Variants in LCA5 observed in about 807,000 individuals in gnomAD.
The protein encoded by LCA5 is lebercilin LCA5.
Under a neutral mutation model 53.0 loss-of-function variants are expected in LCA5, and 37 were observed. That is an observed-to-expected ratio of 0.70 (90% CI 0.54 to 0.92). The LOEUF (loss-of-function observed/expected upper bound fraction) is 0.92. Ranked by LOEUF, LCA5 falls within the 40% of genes least tolerant of loss-of-function variation. The pLI, the probability that LCA5 is intolerant of heterozygous loss-of-function variation, is 0.00. For synonymous variants in LCA5, 303 were observed against 282.9 expected (o/e 1.07, Z -0.71); for missense variants, 806 against 790.5 (o/e 1.02, Z -0.23).
chr6:79,524,368 G>C (rs575658659), intron 1 of LCA5, among the ~76,000 whole-genome samples: 31 of 152,278 alleles, frequency 2.0e-4, no homozygotes, highest in African/African-American at 7.0e-4. Context: ...AATGTTCTAA[G>C]TCCTTGCATG....
In LCA5 at chr6:79,513,744, A is replaced by T. The variant is rs886061790; in HGVS notation, c.191-3T>A. ...CTTAGGGCTTGGTTTCCGAGGGGCT[A>T]AAAAAGAAACAGGAATAATGTAAAG... is the stretch of plus-strand genomic sequence containing the variant. On this transcript the variant is annotated splice_polypyrimidine_tract_variant and splice_region_variant and intron_variant, in intron 2 of 7. Coordinates refer to ENST00000369846, the MANE Select transcript of LCA5 (RefSeq NM_001122769.3). 5.6e-6 allele frequency: 9 copies of T among 1,612,554 alleles called. No individual in the cohort carries two copies. Among genetic ancestry groups the T allele is most frequent in the Admixed American group, 5.0e-5 (3 of 59,960 alleles).
chr6:79,513,784 A>C (rs1482066211), intron 2 of LCA5, 43 bp from the exon 3 acceptor site: 1 of 1,581,276 alleles, frequency 6.3e-7, no homozygotes. Flanking sequence ...AGCTGTACCA[A>C]ACACAGTGTT....
chr6:79,499,854 A>T (rs1463172211), intron 3 of LCA5, among the ~76,000 whole-genome samples: 2 of 92,752 alleles, frequency 2.2e-5, no homozygotes, highest in East Asian at 5.9e-4. Flanking sequence ...CACTCCCCCC[A>T]CCCCACAACA....
intron 3 of LCA5, 83 bp from the exon 4 acceptor site, chr6:79,493,833 T>C (rs536359485): frequency 1.2e-5 from 13 of 1,059,520 alleles, no homozygotes; most frequent in Non-Finnish European, 1.8e-5. Context: ...CAAAATGATG[T>C]TTTTAGTGGT....
At chr6:79,524,023 TTC>T (rs1766709015) in intron 1 of LCA5, among the ~76,000 whole-genome samples, 1 of 152,220 alleles carries the variant, frequency 6.6e-6, no homozygotes, top group East Asian at 1.9e-4. Flanking sequence ...TGCATGGTTT[TTC>T]TCTTAGAATT....
At chr6:79,491,184 T>C (rs1769827856) in intron 6 of LCA5, among the ~76,000 whole-genome samples, 1 of 152,064 alleles carries the variant, frequency 6.6e-6, no homozygotes. Flanking sequence ...AGGCAAATTC[T>C]TCTCTTCTGC....
upstream of LCA5, among the ~76,000 whole-genome samples, chr6:79,537,958 T>A (rs917102910): frequency 6.7e-6 from 1 of 148,840 alleles, no homozygotes; most frequent in Admixed American, 6.8e-5. Context: ...GGCTTGAAAG[T>A]GATTTTTAGG....
At chr6:79,519,715 C>CAAAAAAAAAAAAAAAAAAAAAAAAAAA (rs397887695) in intron 1 of LCA5, among the ~76,000 whole-genome samples, 1 of 50,000 alleles carries the variant, frequency 2.0e-5, no homozygotes, top group South Asian at 6.1e-4. Flanking sequence ...GACTCCATCT[C>CAAAAAAAAAAAAAAAAAAAAAAAAAAA]AAAAAAAAAA....
intron 1 of LCA5, among the ~76,000 whole-genome samples, chr6:79,533,081 T>C (rs1030621466): frequency 1.3e-5 from 2 of 152,152 alleles, no homozygotes; most frequent in African/African-American, 4.8e-5. Flanking sequence ...ATTGCAAAGC[T>C]GAAATATTTT....
chr6:79,515,781 A>T (rs1337070003), intron 2 of LCA5, among the ~76,000 whole-genome samples: 1 of 152,134 alleles, frequency 6.6e-6, no homozygotes, highest in Non-Finnish European at 1.5e-5. Flanking sequence ...CATTAAAAAG[A>T]TAAAAGATTT....
At chr6:79,520,888 A>G (rs772794632) in intron 1 of LCA5, among the ~76,000 whole-genome samples, 7 of 152,296 alleles carry the variant, frequency 4.6e-5, no homozygotes, top group Non-Finnish European at 8.8e-5. Flanking sequence ...TAACATACAT[A>G]ATTTTTATAT....
At position 79,505,820 on chromosome 6, in the gene LCA5, G is replaced by C. The variant is rs527916531; in HGVS notation, c.720+7392C>G. 3.3e-5 allele frequency among the ~76,000 whole-genome samples: 5 copies of C among 152,200 alleles called. No homozygotes were observed. In the South Asian group the frequency reaches 1.0e-3, roughly 32 times the overall value. ...GCAAAATATAGCAGGAAAAGATAAA[G>C]GAAAGTGATCCTACCTGGCCCAATA... On this transcript the variant is annotated intron_variant, in intron 3 of 7. Coordinates refer to ENST00000369846, the MANE Select transcript of LCA5 (RefSeq NM_001122769.3).
intron 3 of LCA5, among the ~76,000 whole-genome samples, chr6:79,498,384 T>C (rs989833818): frequency 2.7e-5 from 4 of 150,930 alleles, no homozygotes; most frequent in Admixed American, 2.0e-4. Context: ...AAAAATCCTA[T>C]CCCCCCCTAG....
At chr6:79,512,754 T>C (rs1013473111) in intron 3 of LCA5, among the ~76,000 whole-genome samples, 1 of 152,102 alleles carries the variant, frequency 6.6e-6, no homozygotes, top group Non-Finnish European at 1.5e-5. Flanking sequence ...GTCAACAGTC[T>C]CCCACCCATC....
chr6:79,514,542 T>C lies in LCA5; in HGVS notation c.191-801A>G, dbSNP rs575224018. Among the ~76,000 whole-genome samples, 27 of 152,186 alleles carry C rather than the reference T, an allele frequency of 1.8e-4. No individual in the cohort carries two copies. The South Asian group carries it at 3.1e-3, about 18-fold the overall frequency. ...ACCCAAAGGAAAAGAAATCATTCTATTTTAAAGACACATGCACATGTATGT... is the reference window on the plus strand; with the variant it reads ...ACCCAAAGGAAAAGAAATCATTCTACTTTAAAGACACATGCACATGTATGT... On this transcript the variant is annotated intron_variant, in intron 2 of 7. Coordinates refer to ENST00000369846, the MANE Select transcript of LCA5 (RefSeq NM_001122769.3).
intron 3 of LCA5, among the ~76,000 whole-genome samples, chr6:79,494,347 T>C (rs1562097180): frequency 6.6e-6 from 1 of 152,140 alleles, no homozygotes; most frequent in African/African-American, 2.4e-5. Flanking sequence ...AAAACATCTC[T>C]AGATAAAAAC....
chr6:79,538,477 A>T (rs1012497720), upstream of LCA5, among the ~76,000 whole-genome samples: 19 of 152,194 alleles, frequency 1.2e-4, no homozygotes, highest in Admixed American at 3.9e-4. Context: ...AATTTTCTGT[A>T]TGCGAAATAC....
At chr6:79,538,442 C>A (rs1767223559), upstream of LCA5, among the ~76,000 whole-genome samples, 1 of 152,168 alleles carries the variant, frequency 6.6e-6, no homozygotes, top group Non-Finnish European at 1.5e-5. Context: ...GACTAACCCA[C>A]CCAAACAATA....
intron 3 of LCA5, among the ~76,000 whole-genome samples, chr6:79,503,704 A>G (rs1770203489): frequency 6.6e-6 from 1 of 152,232 alleles, no homozygotes; most frequent in Non-Finnish European, 1.5e-5. Flanking sequence ...AAACATATAC[A>G]GACTGGAAAC....
Sources: gnomAD v4.1 joint callset for allele counts (sites outside exome capture counted in the v4.1 genomes callset) on GRCh38, gnomAD v4.1.1 for gene constraint, MANE v1.5 for transcripts, NCBI Gene and HGNC (gene_info 2026-07-23, HGNC 2026-07-21) for gene names.